CYB5R4: variants seen among roughly 807,000 people sequenced by gnomAD.
The protein encoded by CYB5R4 is N-terminal cytochrome b5 and cytochrome b5 oxidoreductase domain-containing protein.
Under a neutral mutation model 70.2 loss-of-function variants are expected in CYB5R4, and 55 were observed. That is an observed-to-expected ratio of 0.78 (90% confidence interval 0.63 to 0.98). The LOEUF (loss-of-function observed/expected upper bound fraction) is 0.98, where lower values mean the gene tolerates loss of function less well. Ranked by LOEUF, CYB5R4 falls within the 50% of genes least tolerant of loss-of-function variation. The pLI is 0.00. For missense variants in CYB5R4, 562 were observed against 612.6 expected (o/e 0.92, Z 0.87); for synonymous variants, 197 against 199.5 (o/e 0.99, Z 0.11).
At chr6:83,914,237 T>G (rs1459381195) in intron 4 of CYB5R4, among the ~76,000 whole-genome samples, 179 bp from the exon 5 acceptor site, 1 of 152,190 alleles carries the variant, frequency 6.6e-6, no homozygotes, top group African/African-American at 2.4e-5. Context: ...TCTTCAGAGA[T>G]GAAACTTACT....
At position 83,910,057 on chromosome 6, in the gene CYB5R4, G is replaced by A. The variant is rs187115836; in HGVS notation, c.412+967G>A. On this transcript the variant is annotated intron_variant, in intron 4 of 15. Coordinates refer to ENST00000369681, the MANE Select transcript of CYB5R4 (RefSeq NM_016230.4). Reference sequence around the variant, plus strand: ...TACGCATGCATTGGACAGCTCTTTGGTTCATCCTAGGCAAACTCTGGCACC... The same window carrying A: ...TACGCATGCATTGGACAGCTCTTTGATTCATCCTAGGCAAACTCTGGCACC... 3.1e-5 allele frequency: 50 copies of A among 1,612,522 alleles called. No individual in the cohort carries two copies. In the African/African-American group the frequency reaches 6.0e-4, roughly 19 times the overall value.
At chr6:83,875,868 G>C (rs953480418) in intron 2 of CYB5R4, among the ~76,000 whole-genome samples, 5 of 152,188 alleles carry the variant, frequency 3.3e-5, no homozygotes, top group Non-Finnish European at 7.4e-5. Context: ...GGTCTGTTTA[G>C]TGGATACTAT....
At chr6:83,870,971 CTTTTTTTTTTTTT>C (rs759131653) in intron 2 of CYB5R4, among the ~76,000 whole-genome samples, 1 of 88,618 alleles carries the variant, frequency 1.1e-5, no homozygotes, top group South Asian at 3.5e-4. Context: ...TCATTGTTTG[CTTTTTTTTTTTTT>C]TTTTTTTTTG....
At chr6:83,944,947 C>T (rs1344868870) in intron 14 of CYB5R4, among the ~76,000 whole-genome samples, 6 of 152,080 alleles carry the variant, frequency 3.9e-5, no homozygotes, top group East Asian at 1.9e-4. Flanking sequence ...TAGAGACCTA[C>T]GAAGAGACAC....
chr6:83,913,456 G>T (rs1166652857), intron 4 of CYB5R4, among the ~76,000 whole-genome samples: 2 of 152,132 alleles, frequency 1.3e-5, no homozygotes, highest in African/African-American at 4.8e-5. Context: ...GCCTTTTTTA[G>T]GAGATCAGGT....
intron 14 of CYB5R4, among the ~76,000 whole-genome samples, chr6:83,943,483 G>A (rs2099470082): frequency 6.6e-6 from 1 of 152,004 alleles, no homozygotes; most frequent in African/African-American, 2.4e-5. Context: ...AAAGACCAAA[G>A]GTAGATAAAT....
intron 2 of CYB5R4, among the ~76,000 whole-genome samples, chr6:83,893,219 A>C (rs186929117): frequency 1.3e-5 from 2 of 152,352 alleles, no homozygotes; most frequent in African/African-American, 4.8e-5. Flanking sequence ...ATTAGAGTTC[A>C]GTGAACTGAC....
At chr6:83,904,973 C>T (rs1237957734) in intron 3 of CYB5R4, among the ~76,000 whole-genome samples, 1 of 151,450 alleles carries the variant, frequency 6.6e-6, no homozygotes. Flanking sequence ...TTTCATGTTT[C>T]CTGTGTCCTT....
rs373584432 is a variant in CYB5R4 at position 83,899,687 on chromosome 6, G to A, written c.330+6065G>A. 2.6e-4 allele frequency among the ~76,000 whole-genome samples: 39 copies of A among 152,278 alleles called. No homozygotes were observed. In the East Asian group the frequency reaches 5.8e-3, roughly 23 times the overall value. On this transcript the variant is annotated intron_variant, in intron 3 of 15. Transcript: ENST00000369681. ...AGGGATTCAACTTCTTCCTGGTTTA[G>A]TCTTGGGAGGGTGTATGTGTCGAGG...
chr6:83,918,130 AAAAT>A (rs1295595263), intron 6 of CYB5R4, 65 bp downstream of exon 6: 5 of 1,218,560 alleles, frequency 4.1e-6, no homozygotes, highest in Non-Finnish European at 6.0e-6. Flanking sequence ...ACACATTTAA[AAAAT>A]AAAGTAGCTC....
chr6:83,892,458 C>T (rs555907213), intron 2 of CYB5R4, among the ~76,000 whole-genome samples: 2 of 152,124 alleles, frequency 1.3e-5, no homozygotes, highest in Non-Finnish European at 2.9e-5. Flanking sequence ...ATTGCACTTT[C>T]GTGATGTCTT....
chr6:83,866,995 A>G (rs570505407), intron 2 of CYB5R4, among the ~76,000 whole-genome samples: 2 of 152,284 alleles, frequency 1.3e-5, no homozygotes, highest in African/African-American at 2.4e-5. Flanking sequence ...TCTTTGTAGA[A>G]ATAAGATGTG....
chr6:83,919,351 C>A, intron 6 of CYB5R4, 46 bp from the exon 7 acceptor site: 1 of 1,024,440 alleles, frequency 9.8e-7, no homozygotes, highest in South Asian at 1.5e-5. Context: ...TGTGAATGCA[C>A]ATGATTGTCA....
chr6:83,871,294 A>G (rs960465215), intron 2 of CYB5R4, among the ~76,000 whole-genome samples: 5 of 151,946 alleles, frequency 3.3e-5, no homozygotes, highest in African/African-American at 9.7e-5. Flanking sequence ...ATTGAATTCT[A>G]ACCTAACCCA....
In CYB5R4 at chr6:83,891,866, G is replaced by C. The variant is rs1414433081; in HGVS notation, c.230-1656G>C. On this transcript the variant is annotated intron_variant, in intron 2 of 15. Coordinates refer to ENST00000369681, the MANE Select transcript of CYB5R4 (RefSeq NM_016230.4). Reference sequence around the variant, plus strand: ...AGCTATTTAAGCTACCAGAAGAGCTGGTTGCTGAAACTCGTGGAATTCCAT... The same window carrying C: ...AGCTATTTAAGCTACCAGAAGAGCTCGTTGCTGAAACTCGTGGAATTCCAT... 3.9e-5 allele frequency among the ~76,000 whole-genome samples: 6 copies of C among 152,278 alleles called. No homozygotes were observed. In the South Asian group the frequency reaches 1.2e-3, roughly 32 times the overall value.
In CYB5R4 at chr6:83,909,058, G is replaced by T; in HGVS notation, c.380G>T (p.Gly127Val). Residue 127 changes from glycine (G) to valine (V), a missense_variant, in exon 4 of 16, where the codon GGC becomes GTC. Transcript: ENST00000369681. ...TCCATGCTGAAAGAATGCCTGGTTG[G>T]CAGAATGGCCATTAAACCTGCTGTT... is the stretch of plus-strand genomic sequence containing the variant. ...YESMLKECLV[G>V]RMAIKPAVLK... The T allele has an allele frequency of 6.2e-7, 1 of 1,613,958 alleles. No homozygotes were observed. Among genetic ancestry groups the T allele is most frequent in the Non-Finnish European group, 8.5e-7 (1 of 1,179,874 alleles).
At chr6:83,895,598 G>C (rs1483205098) in intron 3 of CYB5R4, among the ~76,000 whole-genome samples, 1 of 152,132 alleles carries the variant, frequency 6.6e-6, no homozygotes, top group East Asian at 1.9e-4. Flanking sequence ...GCCACAAGAA[G>C]AATTTCCAAT....
chr6:83,903,149 G>A (rs2099463260), intron 3 of CYB5R4, among the ~76,000 whole-genome samples: 3 of 152,078 alleles, frequency 2.0e-5, no homozygotes, highest in South Asian at 4.1e-4. Context: ...GTTGTTAGCT[G>A]TGGGTTTGTC....
chr6:83,912,512 T>G (rs2099464860), intron 4 of CYB5R4, among the ~76,000 whole-genome samples: 1 of 152,206 alleles, frequency 6.6e-6, no homozygotes, highest in East Asian at 1.9e-4. Context: ...AAGGAAGAGC[T>G]GAGTGCTGTT....
Sources: allele counts gnomAD v4.1 joint callset (sites outside exome capture counted in the v4.1 genomes callset), GRCh38; gene constraint gnomAD v4.1.1; transcripts MANE v1.5; gene names NCBI Gene and HGNC (gene_info 2026-07-23, HGNC 2026-07-21).